The following IL1RAPL1 variants were observed in gnomAD, a reference collection of about 807,000 sequenced individuals.
The protein encoded by IL1RAPL1 is interleukin 1 receptor accessory protein like 1.
Under a neutral mutation model 48.4 loss-of-function variants are expected in IL1RAPL1, and 3 were observed. The ratio of observed to expected loss-of-function variants is 0.06; its 90% CI spans 0.03 to 0.16. IL1RAPL1 has a LOEUF of 0.16. Ranked by LOEUF, IL1RAPL1 falls within the 10% of genes least tolerant of loss-of-function variation. The pLI is 1.00. For missense variants in IL1RAPL1, 349 were observed against 530.6 expected, an observed-to-expected ratio of 0.66 and a Z score of 3.36; for synonymous variants, 185 against 187.7, an observed-to-expected ratio of 0.99 and a Z score of 0.12.
At chrX:29,323,728 T>A (rs1358991663) in intron 3 of IL1RAPL1, among the ~76,000 whole-genome samples, 1 of 4,279 alleles carries the variant, frequency 2.3e-4, no homozygotes, top group Admixed American at 2.9e-3. Flanking sequence ...TATATATATA[T>A]ATATATATAT....
chrX:29,802,824 T>C (rs1482414997), intron 6 of IL1RAPL1, among the ~76,000 whole-genome samples: 13 of 78,540 alleles, frequency 1.7e-4, no homozygotes, highest in African/African-American at 6.9e-4. Flanking sequence ...TGTATATATA[T>C]GTATACATAT....
chrX:29,230,289 A>G (rs1931165519), intron 2 of IL1RAPL1, among the ~76,000 whole-genome samples: 1 of 109,743 alleles, frequency 9.1e-6, no homozygotes, highest in Non-Finnish European at 1.9e-5. Flanking sequence ...TGACTGTATT[A>G]TATAGAAGTA....
chrX:29,253,009 A>G (rs1426029147), intron 2 of IL1RAPL1, among the ~76,000 whole-genome samples: 2 of 110,963 alleles, frequency 1.8e-5, no homozygotes, highest in African/African-American at 6.5e-5. Flanking sequence ...TGGTACTAAA[A>G]TCATTATTTT....
At chrX:28,607,528 A>G (rs1934098072) in intron 1 of IL1RAPL1, among the ~76,000 whole-genome samples, 1 of 111,435 alleles carries the variant, frequency 9.0e-6, no homozygotes, top group African/African-American at 3.3e-5. Flanking sequence ...CAACCACCAG[A>G]AAAAAAGGTG....
chrX:29,597,166 T>C (rs1363913128), intron 5 of IL1RAPL1, among the ~76,000 whole-genome samples: 8 of 103,606 alleles, frequency 7.7e-5, no homozygotes, highest in Non-Finnish European at 2.0e-5. Context: ...TTTTTTTTTT[T>C]TTTTGAGACT....
chrX:29,805,476 G>A (rs1293193609), intron 6 of IL1RAPL1, among the ~76,000 whole-genome samples: 6 of 110,753 alleles, frequency 5.4e-5, no homozygotes, highest in Non-Finnish European at 1.1e-4. Context: ...AGTGCAAGAT[G>A]TTAAAAGCAC....
intron 2 of IL1RAPL1, among the ~76,000 whole-genome samples, chrX:29,269,981 A>G (rs1270378203): frequency 1.8e-5 from 2 of 110,636 alleles, no homozygotes; most frequent in Non-Finnish European, 3.8e-5. Flanking sequence ...TATAGTTTGC[A>G]TTTTCTAGAG....
chrX:29,816,569 C>T (rs970273284), intron 6 of IL1RAPL1, among the ~76,000 whole-genome samples: 16 of 110,397 alleles, frequency 1.4e-4, no homozygotes, highest in African/African-American at 5.3e-4. Context: ...CTCCCTAACT[C>T]ATTCTATGAA....
intron 2 of IL1RAPL1, among the ~76,000 whole-genome samples, chrX:28,958,604 G>T (rs1033715293): frequency 3.6e-5 from 4 of 111,395 alleles, no homozygotes; most frequent in Admixed American, 1.9e-4. Flanking sequence ...TATGAAGGAA[G>T]ATAGTAAAAG....
At chrX:28,679,226 A>T (rs1166663634) in intron 1 of IL1RAPL1, among the ~76,000 whole-genome samples, 1 of 111,934 alleles carries the variant, frequency 8.9e-6, no homozygotes, top group Non-Finnish European at 1.9e-5. Context: ...TGTTGGCCAG[A>T]TATGTCTTAT....
chrX:29,108,128 T>A (rs760990422), intron 2 of IL1RAPL1, among the ~76,000 whole-genome samples: 57 of 112,050 alleles, frequency 5.1e-4, no homozygotes, highest in African/African-American at 1.6e-3. Context: ...GCGTTCAGAG[T>A]TCTGACAATG....
intron 2 of IL1RAPL1, among the ~76,000 whole-genome samples, chrX:28,977,525 C>T (rs1925234711): frequency 8.9e-6 from 1 of 112,244 alleles, no homozygotes; most frequent in Non-Finnish European, 1.9e-5. Context: ...CCAGGCCCGA[C>T]CTCCAACACC....
At chrX:29,384,260 A>G (rs906544469) in intron 3 of IL1RAPL1, among the ~76,000 whole-genome samples, 17 of 111,577 alleles carry the variant, frequency 1.5e-4, no homozygotes, top group African/African-American at 4.9e-4. Flanking sequence ...TACCACCCCT[A>G]TATATGAAGG....
intron 2 of IL1RAPL1, among the ~76,000 whole-genome samples, chrX:29,057,737 CT>C (rs1355547473): frequency 1.1e-4 from 12 of 111,795 alleles, no homozygotes; most frequent in African/African-American, 3.9e-4. Flanking sequence ...CCTGTTTAGC[CT>C]ACTTTTATGA....
intron 3 of IL1RAPL1, among the ~76,000 whole-genome samples, chrX:29,377,292 G>A (rs754244389): frequency 1.8e-5 from 2 of 112,088 alleles, no homozygotes; most frequent in African/African-American, 6.5e-5. Flanking sequence ...GAAGATGATT[G>A]AGTCTTTTAT....
rs1203428344 is a variant in IL1RAPL1, at chrX:29,447,363, A to T, written c.703+48055A>T. 2.4e-4 allele frequency among the ~76,000 whole-genome samples: 26 copies of T among 107,162 alleles called. No homozygotes were observed. In the East Asian group the frequency reaches 5.7e-3, roughly 23 times the overall value. The allele number at this position is 107,162 out of a possible 115,157, so 93.1% of individuals were successfully genotyped here. A position where few individuals can be genotyped will look rare whatever the true frequency, so the allele number is the denominator to read the frequency against. Reference sequence around the variant, plus strand: ...AAGATGTTTCATTCATTGCTTTCCAAAAAAAAAAAAGCAAAATAATTTATT... The same window carrying T: ...AAGATGTTTCATTCATTGCTTTCCATAAAAAAAAAAGCAAAATAATTTATT... On this transcript the variant is annotated intron_variant, in intron 5 of 10. Coordinates refer to ENST00000378993, the MANE Select transcript of IL1RAPL1 (RefSeq NM_014271.4).
At chrX:29,129,296 G>A (rs992998251) in intron 2 of IL1RAPL1, among the ~76,000 whole-genome samples, 3 of 110,976 alleles carry the variant, frequency 2.7e-5, no homozygotes, top group Non-Finnish European at 5.7e-5. Context: ...CCCTGCCTCG[G>A]CCTCCCAAAG....
chrX:29,580,136 C>CTTT (rs762760607), intron 5 of IL1RAPL1, among the ~76,000 whole-genome samples: 1 of 93,217 alleles, frequency 1.1e-5, no homozygotes. Context: ...CTCAGAAAGT[C>CTTT]TTTTTTTTTT....
Position 28,639,153 on chromosome X carries a change from T to G in IL1RAPL1, c.-25+51106T>G, listed in dbSNP as rs148849447. Reference sequence around the variant, plus strand: ...CCTGGCATGAAACAAGTGCTCATTATGTATTAATCTTCTTCCCATTCTCCC... The same window carrying G: ...CCTGGCATGAAACAAGTGCTCATTAGGTATTAATCTTCTTCCCATTCTCCC... On this transcript the variant is annotated intron_variant, in intron 1 of 10. Coordinates refer to ENST00000378993, the MANE Select transcript of IL1RAPL1 (RefSeq NM_014271.4). 1.4e-4 allele frequency among the ~76,000 whole-genome samples: 16 copies of G among 112,221 alleles called. No individual in the cohort carries two copies. The East Asian group carries it at 4.5e-3, about 32-fold the overall frequency.
Sources: allele counts gnomAD v4.1 joint callset (sites outside exome capture counted in the v4.1 genomes callset), GRCh38; gene constraint gnomAD v4.1.1; transcripts MANE v1.5; gene names NCBI Gene and HGNC (gene_info 2026-07-23, HGNC 2026-07-21).